CDC14A: variants seen among roughly 807,000 people sequenced by gnomAD.
CDC14A encodes the protein cell division cycle 14A.
In CDC14A, 53 loss-of-function variants were observed where a neutral mutation model predicts 74.4. That is an observed-to-expected ratio of 0.71 (90% confidence interval 0.57 to 0.89). The LOEUF (loss-of-function observed/expected upper bound fraction) is 0.89. CDC14A is among the 40% of genes least tolerant of loss of function. The pLI, the probability that CDC14A is intolerant of heterozygous loss-of-function variation, is 0.00. For missense variants in CDC14A, 646 were observed against 713.7 expected (o/e 0.91, Z 1.08); for synonymous variants, 247 against 258.4 (o/e 0.96, Z 0.43).
chr1:100,376,066 CAT>C (rs1655207325), intron 2 of CDC14A, among the ~76,000 whole-genome samples: 1 of 151,994 alleles, frequency 6.6e-6, no homozygotes, highest in Non-Finnish European at 1.5e-5. Flanking sequence ...TCAAACACCG[CAT>C]GTTCTCACTC....
intron 4 of CDC14A, among the ~76,000 whole-genome samples, chr1:100,409,541 T>C (rs895610073): frequency 6.6e-6 from 1 of 152,110 alleles, no homozygotes; most frequent in Non-Finnish European, 1.5e-5. Flanking sequence ...CTAGATACAA[T>C]GGGGGTACAG....
intron 12 of CDC14A, 27 bp downstream of exon 12, chr1:100,494,957 T>G: frequency 8.7e-7 from 1 of 1,146,618 alleles, no homozygotes; most frequent in Non-Finnish European, 1.3e-6. Context: ...CACTTCAATT[T>G]ATAGTGTGCT....
chr1:100,412,723 T>TATATATATTTATATATATATATATA (rs1491148182), intron 4 of CDC14A, among the ~76,000 whole-genome samples: 2 of 83,764 alleles, frequency 2.4e-5, no homozygotes, highest in African/African-American at 2.0e-4. Flanking sequence ...TATATATATA[T>TATATATATTTATATATATATATATA]TTTATATATA....
chr1:100,496,186 TG>T, intron 13 of CDC14A, 137 bp downstream of exon 13: 1 of 678,208 alleles, frequency 1.5e-6, no homozygotes, highest in South Asian at 1.8e-5. Flanking sequence ...TCTTCCATAT[TG>T]TTTATGCCTT....
chr1:100,415,323 A>G (rs1018285722), intron 4 of CDC14A, among the ~76,000 whole-genome samples: 2 of 152,186 alleles, frequency 1.3e-5, no homozygotes, highest in African/African-American at 4.8e-5. Context: ...TTCAAATTAA[A>G]CTGTAAAGAG....
chr1:100,366,611 T>G (rs1653661910), intron 2 of CDC14A, among the ~76,000 whole-genome samples: 1 of 152,168 alleles, frequency 6.6e-6, no homozygotes, highest in Middle Eastern at 3.2e-3. Flanking sequence ...GGGTGGTGGG[T>G]GATCCTACCC....
At chr1:100,517,995 CTT>C (rs1238959095) in intron 15 of CDC14A, among the ~76,000 whole-genome samples, 2 of 152,166 alleles carry the variant, frequency 1.3e-5, no homozygotes, top group Non-Finnish European at 2.9e-5. Flanking sequence ...TAAATTAAAA[CTT>C]AATTTTTTAA....
chr1:100,426,158 C>G (rs544067550), intron 5 of CDC14A, among the ~76,000 whole-genome samples: 2 of 152,346 alleles, frequency 1.3e-5, no homozygotes, highest in Non-Finnish European at 2.9e-5. Context: ...GGGTCTTACT[C>G]TGTCGCCCAG....
At chr1:100,454,689 T>A (rs1050954897) in intron 7 of CDC14A, among the ~76,000 whole-genome samples, 1 of 152,184 alleles carries the variant, frequency 6.6e-6, no homozygotes, top group Non-Finnish European at 1.5e-5. Context: ...AAAACCTAAT[T>A]TAAAAAGTCA....
At chr1:100,491,887 A>AG (rs1245948957) in intron 11 of CDC14A, among the ~76,000 whole-genome samples, 3 of 15,848 alleles carry the variant, frequency 1.9e-4, no homozygotes, top group African/African-American at 4.5e-4. Context: ...CCTTTTTTTG[A>AG]GAAAAAACAC....
chr1:100,366,794 AG>A (rs1653693381), intron 2 of CDC14A, among the ~76,000 whole-genome samples: 1 of 152,246 alleles, frequency 6.6e-6, no homozygotes, highest in African/African-American at 2.4e-5. Flanking sequence ...CTGAATAAAA[AG>A]ATGGATGGAC....
At chr1:100,443,034 A>G in intron 7 of CDC14A, 38 bp downstream of exon 7, 1 of 1,356,564 alleles carries the variant, frequency 7.4e-7, no homozygotes, top group Non-Finnish European at 1.1e-6. Context: ...ACATAATTTC[A>G]TGTTGATTAA....
chr1:100,386,993 GAGAGGAAAAAACATTAA>G (rs1323067444), intron 3 of CDC14A, among the ~76,000 whole-genome samples: 1 of 151,194 alleles, frequency 6.6e-6, no homozygotes, highest in Non-Finnish European at 1.5e-5. Context: ...CTTAAAATTT[GAGAGGAAAAAACATTAA>G]AGAGTTTTTT....
chr1:100,484,891 G>T, intron 11 of CDC14A: 1 of 979,778 alleles, frequency 1.0e-6, no homozygotes, highest in Non-Finnish European at 1.2e-6. Flanking sequence ...AAAAATTAAG[G>T]CTCTACTGTA....
chr1:100,450,844 G>T lies in CDC14A; in HGVS notation c.520-4561G>T, dbSNP rs1040269174. The stretch of plus-strand genomic sequence containing the variant: ...CCAAACTTCTTAAGAGAGCAGTCTC[G>T]ACTCTAATTATGGTCTGGCCTCTAC... On this transcript the variant is annotated intron_variant, in intron 7 of 15. Transcript: ENST00000336454. 6.6e-5 allele frequency among the ~76,000 whole-genome samples: 10 copies of T among 151,920 alleles called. No individual in the cohort carries two copies. The East Asian group carries it at 1.9e-3, about 29-fold the overall frequency.
rs1156555268 is a variant in CDC14A, at chr1:100,508,977, G to A, written c.1756-9274G>A. Among the ~76,000 whole-genome samples, 1 of 152,090 alleles carries A rather than the reference G, an allele frequency of 6.6e-6. No homozygotes were observed. The highest frequency in any genetic ancestry group is 1.5e-5 in the Non-Finnish European group (1 of 68,004). On this transcript the variant is annotated intron_variant, in intron 15 of 15. Coordinates refer to ENST00000336454, the MANE Select transcript of CDC14A (RefSeq NM_003672.4). This position sits in a 1 kb window ranked among gnomAD's most constrained non-coding sequence, Gnocchi z 4.4. ...AGTGTACCATCTCGACATGAAGTAG[G>A]TCCAGTCTCTGCAGCTTGCTGTTTA...
chr1:100,496,032 A>T lies in CDC14A; in HGVS notation c.1281A>T (p.Ala427=). 6.2e-7 allele frequency: 1 copy of T among 1,613,896 alleles called. No individual in the cohort carries two copies. The highest frequency in any genetic ancestry group is 8.5e-7 in the Non-Finnish European group (1 of 1,179,772). ...ATGATACAAAAGGACATCCAAGAGC[A>T]GTGTCCCAGCCTTTCAGGTACTGCC... ...RSDDTKGHPR[A]VSQPFRLSSS... is the part of the protein sequence containing the mutation. The change falls in exon 13 of 16, where the codon GCA becomes GCT. Residue 427 remains alanine (A), a synonymous_variant. Coordinates refer to ENST00000336454, the MANE Select transcript of CDC14A (RefSeq NM_003672.4).
intron 15 of CDC14A, among the ~76,000 whole-genome samples, chr1:100,507,432 C>T (rs1649334561): frequency 6.6e-6 from 1 of 151,504 alleles, no homozygotes; most frequent in Non-Finnish European, 1.5e-5. Flanking sequence ...CTTAGGGCTG[C>T]TTTTTTAGTT....
At chr1:100,429,721 ATATT>A (rs1571169015) in intron 5 of CDC14A, among the ~76,000 whole-genome samples, 1 of 143,892 alleles carries the variant, frequency 6.9e-6, no homozygotes, top group East Asian at 1.9e-4. Context: ...ATTTATATAT[ATATT>A]ATATATATAT....
Sources: allele counts gnomAD v4.1 joint callset (sites outside exome capture counted in the v4.1 genomes callset), GRCh38; gene constraint gnomAD v4.1.1; non-coding constraint Gnocchi (gnomAD v3.1); transcripts MANE v1.5; gene names NCBI Gene and HGNC (gene_info 2026-07-23, HGNC 2026-07-21).